Variants in MICAL2 observed in about 807,000 individuals in gnomAD.
MICAL2 encodes [F-actin]-monooxygenase MICAL2.
A neutral mutation model predicts 127.3 loss-of-function variants in MICAL2; 77 were observed. That is an observed-to-expected ratio of 0.60 (90% confidence interval 0.50 to 0.73). The LOEUF (loss-of-function observed/expected upper bound fraction) is 0.73. Among genes scored for constraint, MICAL2 ranks in the 30% least tolerant of loss-of-function variants. MICAL2 has a pLI of 0.00. For missense variants in MICAL2, 1,351 were observed against 1,434.4 expected, an observed-to-expected ratio of 0.94 and a Z score of 0.94; for synonymous variants, 570 against 551.1, an observed-to-expected ratio of 1.03 and a Z score of -0.48.
intron 1 of MICAL2, chr11:12,276,441 C>T (rs970941043): frequency 4.8e-5 from 13 of 269,974 alleles, no homozygotes; most frequent in African/African-American, 2.6e-4. Context: ...AAGGGCCTGG[C>T]CCCATGCTCT....
At chr11:12,347,237 T>C (rs1282515565) in intron 32 of MICAL2, among the ~76,000 whole-genome samples, 1 of 152,210 alleles carries the variant, frequency 6.6e-6, no homozygotes, top group Non-Finnish European at 1.5e-5. Flanking sequence ...CCTCACACCC[T>C]GATCAGGAGA....
At chr11:12,222,416 G>T (rs1437303665) in intron 10 of MICAL2, among the ~76,000 whole-genome samples, 1 of 152,170 alleles carries the variant, frequency 6.6e-6, no homozygotes, top group East Asian at 1.9e-4. Flanking sequence ...TCACCCAGGC[G>T]CCCCTTTCCT....
chr11:12,248,774 G>GGGACACCTGGTAGGAGGATAAATCTCAC (rs1861128945), intron 21 of MICAL2, among the ~76,000 whole-genome samples: 4 of 152,246 alleles, frequency 2.6e-5, no homozygotes, highest in Admixed American at 6.5e-5. Flanking sequence ...ATAAATCTCA[G>GGGACACCTGGTAGGAGGATAAATCTCAC]GGACAGGTCT....
At chr11:12,316,007 T>C (rs180872789) in intron 29 of MICAL2, among the ~76,000 whole-genome samples, 246 of 152,246 alleles carry the variant, frequency 1.6e-3, no homozygotes, top group African/African-American at 5.7e-3. Flanking sequence ...ATTTTCTTGA[T>C]AGGTTTACCT....
Position 12,330,837 on chromosome 11 carries a change from G to C in MICAL2, c.5515+3571G>C, listed in dbSNP as rs994586974. Among the ~76,000 whole-genome samples the C allele has an allele frequency of 1.7e-4, 24 of 143,894 alleles. 1 individual carries two copies. Among genetic ancestry groups the C allele is most frequent in the South Asian group, 1.1e-3 (5 of 4,454 alleles). The allele number at this position is 143,894 out of a possible 152,430, so 94.4% of individuals were successfully genotyped here. A position where few individuals can be genotyped will look rare whatever the true frequency, so the allele number is the denominator to read the frequency against. Reference sequence around the variant, plus strand: ...AGAGAGAGAGGGAGAGACAGACAGAGAGAGAGAGAGACAGAGAGAGGGGTA... The same window carrying C: ...AGAGAGAGAGGGAGAGACAGACAGACAGAGAGAGAGACAGAGAGAGGGGTA... On this transcript the variant is annotated intron_variant, in intron 32 of 34. Coordinates refer to the MICAL2 transcript ENST00000646065.
intron 1 of MICAL2, among the ~76,000 whole-genome samples, chr11:12,277,690 T>C (rs559094196): frequency 9.2e-5 from 14 of 152,316 alleles, no homozygotes; most frequent in African/African-American, 3.1e-4. Flanking sequence ...GCAAGGCTTA[T>C]AAGACAAGGT....
chr11:12,130,579 T>C (rs903399367), intron 1 of MICAL2, among the ~76,000 whole-genome samples: 1 of 152,158 alleles, frequency 6.6e-6, no homozygotes, highest in Non-Finnish European at 1.5e-5. Flanking sequence ...AAAAGTTTAT[T>C]GAGGAAGTAC....
chr11:12,295,728 A>G (rs1159660260), downstream of MICAL2, among the ~76,000 whole-genome samples: 1 of 152,000 alleles, frequency 6.6e-6, no homozygotes, highest in African/African-American at 2.4e-5. Context: ...AGTCAACATT[A>G]TATCATAGAT....
chr11:12,220,201 G>A lies in MICAL2; in HGVS notation c.949G>A (p.Asp317Asn). The change falls in exon 9 of 28, where the codon GAC (aspartate) becomes AAC (asparagine). Residue 317 changes from aspartate (D) to asparagine (N), a missense_variant and splice_region_variant. Coordinates refer to ENST00000683283, the MANE Select transcript of MICAL2 (RefSeq NM_001282663.2). ...SLLDKGVIINDYIDTEMLLCA... is the reference protein window; with the variant it reads ...SLLDKGVIINNYIDTEMLLCA... ...TGCACCATGTTTTCATCTTCCCCAG[G>A]ACTACATCGACACAGAGATGCTGCT... The A allele has an allele frequency of 6.2e-7, 1 of 1,614,040 alleles. No individual in the cohort carries two copies. The highest frequency in any genetic ancestry group is 8.5e-7 in the Non-Finnish European group (1 of 1,179,988).
chr11:12,158,979 G>C (rs1854485862), intron 2 of MICAL2, among the ~76,000 whole-genome samples: 1 of 152,234 alleles, frequency 6.6e-6, no homozygotes, highest in Non-Finnish European at 1.5e-5. Flanking sequence ...TGGAAAGCCA[G>C]TTGTAAAGGG....
intron 29 of MICAL2, among the ~76,000 whole-genome samples, chr11:12,304,681 CACACACACACA>C (rs1864088650): frequency 6.6e-6 from 1 of 151,472 alleles, no homozygotes; most frequent in South Asian, 2.1e-4. Context: ...CACACACACA[CACACACACACA>C]CAAAACATTC....
At chr11:12,328,398 G>A (rs1864378170) in intron 32 of MICAL2, among the ~76,000 whole-genome samples, 1 of 152,188 alleles carries the variant, frequency 6.6e-6, no homozygotes, top group Non-Finnish European at 1.5e-5. Context: ...CTTCTGGGAA[G>A]GGGTGATCTA....
intron 3 of MICAL2, among the ~76,000 whole-genome samples, chr11:12,167,392 G>A (rs968249926): frequency 3.3e-5 from 5 of 152,164 alleles, no homozygotes; most frequent in South Asian, 2.1e-4. Flanking sequence ...GTTTGTGCTC[G>A]AGGGCCAGAC....
chr11:12,172,718 G>C (rs1416763879), intron 3 of MICAL2, among the ~76,000 whole-genome samples: 1 of 152,078 alleles, frequency 6.6e-6, no homozygotes, highest in Non-Finnish European at 1.5e-5. Context: ...ACTGAGAGAG[G>C]CTCCTATTAA....
chr11:12,223,447 T>C lies in MICAL2; in HGVS notation c.1486T>C (p.Tyr496His). Reference sequence around the variant, plus strand: ...GTATATCACTAAGGAGCTGGAGCACTACCCTCTCGAGAGACTGGGCTCGGT... The same window carrying C: ...GTATATCACTAAGGAGCTGGAGCACCACCCTCTCGAGAGACTGGGCTCGGT... ...HLYITKELEH[Y>H]PLERLGSVRR... Residue 496 changes from tyrosine (Y) to histidine (H), a missense_variant, in exon 12 of 28, where the codon TAC becomes CAC. Tyr to His is a moderately conservative substitution (Grantham distance 83). Around this residue, in one of 2 missense-constraint regions of MICAL2, gnomAD observed 599 missense variants for 714.9 expected, o/e 0.84. Coordinates refer to ENST00000683283, the MANE Select transcript of MICAL2 (RefSeq NM_001282663.2). 6.2e-7 allele frequency: 1 copy of C among 1,614,052 alleles called. No homozygotes were observed. Among genetic ancestry groups the C allele is most frequent in the Non-Finnish European group, 8.5e-7 (1 of 1,179,974 alleles).
chr11:12,320,395 AAC>A (rs1404818545), intron 30 of MICAL2, among the ~76,000 whole-genome samples: 2 of 152,210 alleles, frequency 1.3e-5, no homozygotes, highest in Admixed American at 6.5e-5. Context: ...AGATTAAAAA[AAC>A]ACAAACATTT....
chr11:12,234,870 G>A (rs1483269586), intron 15 of MICAL2, among the ~76,000 whole-genome samples: 1 of 152,314 alleles, frequency 6.6e-6, no homozygotes, highest in African/African-American at 2.4e-5. Context: ...GGTAGGTTAG[G>A]ATTTACGGGG....
intron 3 of MICAL2, among the ~76,000 whole-genome samples, chr11:12,195,530 A>G (rs1859783420): frequency 6.6e-6 from 1 of 152,054 alleles, no homozygotes; most frequent in African/African-American, 2.4e-5. Context: ...TATTATAATG[A>G]AATGTTGCCA....
chr11:12,175,018 G>A (rs1438728658), intron 3 of MICAL2, among the ~76,000 whole-genome samples: 1 of 152,116 alleles, frequency 6.6e-6, no homozygotes, highest in African/African-American at 2.4e-5. Flanking sequence ...AGCTACTTGG[G>A]AGGCTGAGAT....
Sources: gnomAD v4.1 joint callset for allele counts (sites outside exome capture counted in the v4.1 genomes callset) on GRCh38, gnomAD v4.1.1 for gene constraint, gnomAD v4.1.1 regional missense constraint, MANE v1.5 for transcripts, NCBI Gene and HGNC (gene_info 2026-07-23, HGNC 2026-07-21) for gene names.